GRIN2A: variants seen among roughly 807,000 people sequenced by gnomAD.
GRIN2A encodes the protein glutamate receptor ionotropic, NMDA 2A.
GRIN2A carries 22 observed loss-of-function variants against 113.4 expected under a neutral mutation model. The observed-to-expected ratio is 0.19, with a 90% confidence interval of 0.14 to 0.28. The LOEUF (loss-of-function observed/expected upper bound fraction) is 0.28. Ranked by LOEUF, GRIN2A falls within the 10% of genes least tolerant of loss-of-function variation. The probability of loss-of-function intolerance (pLI) is 1.00; values close to 1 mark genes in which losing one functional copy is unlikely to be tolerated. For synonymous variants in GRIN2A, 827 were observed against 738.4 expected, an observed-to-expected ratio of 1.12 and a Z score of -1.94; for missense variants, 1,502 against 1,887.0, an observed-to-expected ratio of 0.80 and a Z score of 3.78.
chr16:9,974,095 A>G (rs3104704), intron 2 of GRIN2A, among the ~76,000 whole-genome samples: 131,271 of 152,242 alleles, frequency 0.86, 57,171 homozygotes, highest in African/African-American at 0.96. Context: ...ATTGCCTCTT[A>G]GGGTATTAAT....
chr16:10,071,733 C>T (rs1479016103), intron 2 of GRIN2A, among the ~76,000 whole-genome samples: 2 of 152,160 alleles, frequency 1.3e-5, no homozygotes, highest in Non-Finnish European at 2.9e-5. Context: ...GCTTCTATCA[C>T]CAGTATGGTC....
intron 4 of GRIN2A, among the ~76,000 whole-genome samples, chr16:9,887,889 T>C (rs912845374): frequency 6.6e-6 from 1 of 152,152 alleles, no homozygotes; most frequent in Non-Finnish European, 1.5e-5. Context: ...TGCAACTATC[T>C]CTACCAAAAA....
chr16:10,087,269 T>C (rs1014267603), intron 2 of GRIN2A, among the ~76,000 whole-genome samples: 16 of 152,270 alleles, frequency 1.1e-4, no homozygotes, highest in African/African-American at 3.9e-4. Context: ...ATAGATTATG[T>C]TATTGTTCAA....
At chr16:9,948,116 C>T (rs143185427) in intron 2 of GRIN2A, among the ~76,000 whole-genome samples, 1 of 152,204 alleles carries the variant, frequency 6.6e-6, no homozygotes, top group Non-Finnish European at 1.5e-5. Context: ...ACAACCCATC[C>T]CAATGTTAAA....
rs965649552 is a variant in GRIN2A at position 10,089,783 on chromosome 16, C to T, written c.414+90215G>A. On this transcript the variant is annotated intron_variant, in intron 2 of 12. Transcript: ENST00000330684. The stretch of plus-strand genomic sequence containing the variant: ...AACAGCAAGCTGTCTTGATAAGGTT[C>T]CATCATCTCTCAAAAATTTATAACT... Among the ~76,000 whole-genome samples, 24 of 152,120 alleles carry T rather than the reference C, an allele frequency of 1.6e-4. 1 individual carries two copies. The highest frequency in any genetic ancestry group is 2.1e-4 in the Non-Finnish European group (14 of 68,018).
intron 11 of GRIN2A, among the ~76,000 whole-genome samples, chr16:9,788,915 G>A (rs965031306): frequency 7.3e-5 from 11 of 151,510 alleles, no homozygotes; most frequent in African/African-American, 2.7e-4. Flanking sequence ...GCTAATTTTT[G>A]TATTTTTTAG....
At chr16:10,011,377 A>G (rs948694229) in intron 2 of GRIN2A, among the ~76,000 whole-genome samples, 8 of 152,210 alleles carry the variant, frequency 5.3e-5, no homozygotes, top group Non-Finnish European at 1.2e-4. Flanking sequence ...GTAAAAAGTT[A>G]CAACTGACAT....
intron 11 of GRIN2A, among the ~76,000 whole-genome samples, chr16:9,783,222 A>G (rs1164400996): frequency 6.6e-6 from 1 of 152,198 alleles, no homozygotes; most frequent in African/African-American, 2.4e-5. Context: ...ATTAGACTCA[A>G]TCAACGGTCT....
At chr16:9,941,072 C>T (rs1330905838) in intron 2 of GRIN2A, among the ~76,000 whole-genome samples, 1 of 152,204 alleles carries the variant, frequency 6.6e-6, no homozygotes, top group Non-Finnish European at 1.5e-5. Flanking sequence ...TACCTTCTGA[C>T]TGCAAAAGGT....
At chr16:9,897,524 G>C (rs1359032564) in intron 3 of GRIN2A, among the ~76,000 whole-genome samples, 6 of 152,156 alleles carry the variant, frequency 3.9e-5, no homozygotes, top group Non-Finnish European at 5.9e-5. Context: ...TTGAAATGTG[G>C]TTAGTCTGAA....
At chr16:9,856,213 G>T (rs917522230) in intron 4 of GRIN2A, among the ~76,000 whole-genome samples, 3 of 152,160 alleles carry the variant, frequency 2.0e-5, no homozygotes, top group African/African-American at 7.2e-5. Context: ...CAGATCATAA[G>T]GCTCACAGTA....
At chr16:9,793,783 G>A (rs1902773592) in intron 11 of GRIN2A, among the ~76,000 whole-genome samples, 1 of 151,050 alleles carries the variant, frequency 6.6e-6, no homozygotes, top group Non-Finnish European at 1.5e-5. Context: ...ACATACATAA[G>A]AATATATACC....
At chr16:10,039,394 T>C (rs2047099638) in intron 2 of GRIN2A, among the ~76,000 whole-genome samples, 1 of 152,182 alleles carries the variant, frequency 6.6e-6, no homozygotes, top group African/African-American at 2.4e-5. Flanking sequence ...CTCAGGTAAA[T>C]GTGGCTTTGT....
chr16:9,760,986 T>C lies in GRIN2A; in HGVS notation c.*2163A>G. The C allele has an allele frequency of 4.3e-6, 1 of 232,516 alleles. No homozygotes were observed. The highest frequency in any genetic ancestry group is 8.5e-6 in the Non-Finnish European group (1 of 117,584). 14.4% of individuals were successfully genotyped at this position (232,516 alleles called of 1,614,324 possible). A position where few individuals can be genotyped will look rare whatever the true frequency, so the allele number is the denominator to read the frequency against. On this transcript the variant is annotated 3_prime_UTR_variant, in exon 13 of 13. Coordinates refer to ENST00000330684, the MANE Select transcript of GRIN2A (RefSeq NM_001134407.3). ...CCTTCGATCCAGGCTTCTCCATGGC[T>C]GGGTCTTGGGGCAGCAGAGGTACAG...
intron 2 of GRIN2A, among the ~76,000 whole-genome samples, chr16:10,120,448 C>A (rs925545044): frequency 2.0e-5 from 3 of 152,148 alleles, no homozygotes; most frequent in Non-Finnish European, 4.4e-5. Flanking sequence ...TAACTTTCTC[C>A]GTTCTCCTAT....
chr16:10,083,526 G>GCTTT (rs1358650229), intron 2 of GRIN2A, among the ~76,000 whole-genome samples: 1 of 152,186 alleles, frequency 6.6e-6, no homozygotes, highest in Non-Finnish European at 1.5e-5. Flanking sequence ...AGGCCCACGT[G>GCTTT]CTTTCACCCT....
At chr16:10,016,799 A>T (rs2046619578) in intron 2 of GRIN2A, among the ~76,000 whole-genome samples, 1 of 152,124 alleles carries the variant, frequency 6.6e-6, no homozygotes, top group Non-Finnish European at 1.5e-5. Context: ...GCACCATCCC[A>T]CTACCCCTCA....
intron 2 of GRIN2A, among the ~76,000 whole-genome samples, chr16:10,036,575 G>C (rs2047034944): frequency 6.8e-6 from 1 of 148,068 alleles, no homozygotes. Flanking sequence ...GGAGTAGCTG[G>C]GACTACAGGC....
chr16:9,963,274 A>T (rs919460569), intron 2 of GRIN2A, among the ~76,000 whole-genome samples: 1 of 152,056 alleles, frequency 6.6e-6, no homozygotes, highest in African/African-American at 2.4e-5. Flanking sequence ...TATAATAAAA[A>T]AAAATTTTAC....
Sources: allele counts gnomAD v4.1 joint callset (sites outside exome capture counted in the v4.1 genomes callset), GRCh38; gene constraint gnomAD v4.1.1; transcripts MANE v1.5; gene names NCBI Gene and HGNC (gene_info 2026-07-23, HGNC 2026-07-21).